The following ASB11 variants were observed in gnomAD, a reference collection of about 807,000 sequenced individuals.
The protein encoded by ASB11 is ankyrin repeat and SOCS box containing 11, also known as ankyrin repeat and SOCS box protein 11.
ASB11 carries 17 observed loss-of-function variants against 20.1 expected under a neutral mutation model. The observed-to-expected ratio is 0.85, with a 90% CI of 0.58 to 1.27. ASB11 has a LOEUF of 1.27. Ranked by LOEUF, ASB11 falls within the 50% of genes most tolerant of loss-of-function variation. ASB11 has a pLI of 0.00. For missense variants in ASB11, 259 were observed against 256.9 expected (o/e 1.01, Z -0.06); for synonymous variants, 107 against 105.6 (o/e 1.01, Z -0.08).
intron 3 of ASB11, 28 bp from the exon 4 acceptor site, chrX:15,293,348 G>C: frequency 8.5e-7 from 1 of 1,178,671 alleles, no homozygotes; most frequent in Non-Finnish European, 1.1e-6. Context: ...GAGACCCAAA[G>C]GATTTGTTAT....
intron 4 of ASB11, among the ~76,000 whole-genome samples, chrX:15,291,577 G>A (rs1008020986): frequency 3.7e-5 from 4 of 109,389 alleles, no homozygotes; most frequent in African/African-American, 1.3e-4. Context: ...CACTGTGACA[G>A]GTGCCTGTAA....
At chrX:15,286,441 C>T (rs1215072448) in intron 6 of ASB11, among the ~76,000 whole-genome samples, 1 of 109,028 alleles carries the variant, frequency 9.2e-6, no homozygotes, top group African/African-American at 3.3e-5. Context: ...CTGAGGCGGG[C>T]GGATCACAAT....
At chrX:15,285,633 C>G (rs771144950) in intron 6 of ASB11, among the ~76,000 whole-genome samples, 32 of 111,632 alleles carry the variant, frequency 2.9e-4, no homozygotes, top group African/African-American at 1.0e-3. Context: ...TTTCCAAGCT[C>G]GGATCTGCTG....
chrX:15,301,626 A>C (rs778285698), intron 2 of ASB11, among the ~76,000 whole-genome samples: 1 of 112,076 alleles, frequency 8.9e-6, no homozygotes, highest in Non-Finnish European at 1.9e-5. Flanking sequence ...CTAGTTGTGG[A>C]AGAAAGACAT....
chrX:15,313,262 G>A (rs929967273), intron 1 of ASB11, among the ~76,000 whole-genome samples: 6 of 110,866 alleles, frequency 5.4e-5, no homozygotes, highest in African/African-American at 2.0e-4. Context: ...AGCCGGGCGT[G>A]GTGGCGTGCG....
intron 3 of ASB11, among the ~76,000 whole-genome samples, chrX:15,297,001 A>T (rs1182981029): frequency 8.9e-6 from 1 of 112,652 alleles, no homozygotes; most frequent in Non-Finnish European, 1.9e-5. Flanking sequence ...CATAAAGAAA[A>T]CATGGTACAA....
chrX:15,314,619 G>A (rs1006601783), intron 1 of ASB11: 1 of 856,212 alleles, frequency 1.2e-6, no homozygotes, highest in Middle Eastern at 3.5e-4. Flanking sequence ...AATTGAAATG[G>A]ATACTAGATA....
chrX:15,299,586 T>A (rs182678519), intron 2 of ASB11, among the ~76,000 whole-genome samples: 2 of 111,195 alleles, frequency 1.8e-5, no homozygotes, highest in Admixed American at 1.9e-4. Context: ...ATTCTGGTCA[T>A]CTTTTCCTGA....
intron 2 of ASB11, among the ~76,000 whole-genome samples, chrX:15,301,095 T>C (rs188822092): frequency 0.011 from 1,228 of 111,212 alleles, 15 homozygotes; most frequent in African/African-American, 0.039. Flanking sequence ...CCCAAGTAGC[T>C]GGGATTATAG....
rs1921117249 is a variant in ASB11, at chrX:15,302,873, C to T, written c.182-66G>A. 43 of 994,750 alleles carry T rather than the reference C, an allele frequency of 4.3e-5. No individual in the cohort carries two copies. The South Asian group carries it at 8.3e-4, about 19-fold the overall frequency. The allele number at this position is 994,750 out of a possible 1,213,427, so 82.0% of individuals were successfully genotyped here. On this transcript the variant is annotated intron_variant, in intron 1 of 6. Coordinates refer to ENST00000480796, the MANE Select transcript of ASB11 (RefSeq NM_080873.3). ...TCTTCCTGTAACTTGTCCATGCTGC[C>T]CACCCACTGTGAGAGGAGGTTTGGG...
chrX:15,303,646 T>G (rs756117062), intron 1 of ASB11, among the ~76,000 whole-genome samples: 1 of 112,042 alleles, frequency 8.9e-6, no homozygotes, highest in East Asian at 2.8e-4. Flanking sequence ...GGAGCCAGAC[T>G]GCTAGGGTTC....
intron 1 of ASB11, among the ~76,000 whole-genome samples, chrX:15,309,515 T>C (rs1184739670): frequency 9.0e-6 from 1 of 110,650 alleles, no homozygotes; most frequent in Non-Finnish European, 1.9e-5. Flanking sequence ...ACAAATAAAG[T>C]GCACAATAAA....
In ASB11 at chrX:15,284,267, A is replaced by AAAAAG. The variant is rs1555938406; in HGVS notation, c.848-639_848-638insCTTTT. On this transcript the variant is annotated intron_variant, in intron 6 of 6. Transcript: ENST00000480796. ...ACTCCGCCTCAAAAAAAAAAAAAAA[A>AAAAAG]AAAGAAAGAAAGAAAGAAAGTAATA... Among the ~76,000 whole-genome samples the AAAAAG allele has an allele frequency of 5.6e-5, 5 of 88,863 alleles. No individual in the cohort carries two copies. In the South Asian group the frequency reaches 1.9e-3, roughly 33 times the overall value. The allele number at this position is 88,863 out of a possible 115,157, so 77.2% of individuals were successfully genotyped here. A position where few individuals can be genotyped will look rare whatever the true frequency, so the allele number is the denominator to read the frequency against.
rs778425250 is a variant in ASB11 at position 15,287,867 on chromosome X, C to T, written c.847+14G>A. The T allele has an allele frequency of 8.4e-7, 1 of 1,188,061 alleles. No homozygotes were observed. The highest frequency in any genetic ancestry group is 1.1e-6 in the Non-Finnish European group (1 of 882,404). On this transcript the variant is annotated intron_variant, in intron 6 of 6. Transcript: ENST00000480796. ...TGCTTATGGAAGAGGAATGGATACC[C>T]AGCCCTTGGTTACCTTCACGGAGCA...
At chrX:15,284,193 A>G (rs199834678) in intron 6 of ASB11, among the ~76,000 whole-genome samples, 26 of 102,125 alleles carry the variant, frequency 2.5e-4, no homozygotes, top group East Asian at 6.3e-4. Context: ...CGGAGCTTGC[A>G]GTGAGCCGAG....
intron 6 of ASB11, among the ~76,000 whole-genome samples, chrX:15,284,456 C>T (rs1374551123): frequency 1.8e-5 from 2 of 110,607 alleles, no homozygotes; most frequent in Non-Finnish European, 3.8e-5. Flanking sequence ...ATATTCAGCC[C>T]TCAAAGTACT....
rs373533421 is a variant in ASB11, at chrX:15,293,266, C to T, written c.424G>A (p.Gly142Ser). 6 of 1,209,543 alleles carry T rather than the reference C, an allele frequency of 5.0e-6. No individual in the cohort carries two copies. The highest frequency in any genetic ancestry group is 5.9e-5 in the East Asian group (2 of 33,762). ...ATPLFNACCS[G>S]SAACVNVLLE... The stretch of plus-strand genomic sequence containing the variant: ...AGCACATTGACACATGCAGCACTGC[C>T]GCTGCAGCAAGCATTGAAGAGGGGT... The change falls in exon 4 of 7, where the codon GGC (glycine) becomes AGC (serine). Residue 142 changes from glycine to serine, a missense_variant. Physicochemically the swap from Gly to Ser is moderately conservative, Grantham distance 56. Transcript: ENST00000480796.
chrX:15,284,118 G>A (rs1927285951), intron 6 of ASB11, among the ~76,000 whole-genome samples: 1 of 107,171 alleles, frequency 9.3e-6, no homozygotes, highest in African/African-American at 3.5e-5. Flanking sequence ...CGGGTGTGGT[G>A]GCGGGTGCCT....
intron 4 of ASB11, among the ~76,000 whole-genome samples, chrX:15,291,656 G>A (rs1402436102): frequency 4.7e-5 from 5 of 107,095 alleles, no homozygotes; most frequent in African/African-American, 1.0e-4. Flanking sequence ...GCAGTGAGCC[G>A]AGATTGTGCC....
Sources: allele counts gnomAD v4.1 joint callset (sites outside exome capture counted in the v4.1 genomes callset), GRCh38; gene constraint gnomAD v4.1.1; transcripts MANE v1.5; gene names NCBI Gene and HGNC (gene_info 2026-07-23, HGNC 2026-07-21).